Variants in CDC14A observed in about 807,000 individuals in gnomAD.
CDC14A encodes cell division cycle 14A.
In CDC14A, 53 loss-of-function variants were observed where a neutral mutation model predicts 74.4. The observed-to-expected ratio is 0.71, with a 90% CI of 0.57 to 0.89. The LOEUF is 0.89. Among genes scored for constraint, CDC14A ranks in the 40% least tolerant of loss-of-function variants. The pLI is 0.00. For missense variants in CDC14A, 646 were observed against 713.7 expected, an observed-to-expected ratio of 0.91 and a Z score of 1.08; for synonymous variants, 247 against 258.4, an observed-to-expected ratio of 0.96 and a Z score of 0.43.
At chr1:100,454,744 T>C (rs892811953) in intron 7 of CDC14A, among the ~76,000 whole-genome samples, 1 of 152,158 alleles carries the variant, frequency 6.6e-6, no homozygotes, top group Non-Finnish European at 1.5e-5. Context: ...AGTTGGAAGA[T>C]CAGCTGTGTT....
chr1:100,448,899 C>T (rs1342208778), intron 7 of CDC14A, among the ~76,000 whole-genome samples: 1 of 152,308 alleles, frequency 6.6e-6, no homozygotes, highest in East Asian at 1.9e-4. Context: ...AGCCTTTGCT[C>T]TTGTCACCTG....
chr1:100,418,189 T>C (rs1661773515), intron 4 of CDC14A, among the ~76,000 whole-genome samples: 1 of 152,208 alleles, frequency 6.6e-6, no homozygotes, highest in Non-Finnish European at 1.5e-5. Context: ...TGGTATATAC[T>C]GTTAACTTTT....
intron 1 of CDC14A, among the ~76,000 whole-genome samples, chr1:100,345,455 T>C (rs1347979709): frequency 6.6e-6 from 1 of 152,176 alleles, no homozygotes; most frequent in African/African-American, 2.4e-5. Flanking sequence ...TTAGAAATTA[T>C]TATAATTTCT....
chr1:100,510,058 T>C (rs1649598688), intron 15 of CDC14A, among the ~76,000 whole-genome samples: 1 of 147,652 alleles, frequency 6.8e-6, no homozygotes, highest in Non-Finnish European at 1.5e-5. Flanking sequence ...CTCGTTTCCA[T>C]GCTCTCCTGT....
chr1:100,384,538 A>G (rs1656581661), intron 3 of CDC14A, among the ~76,000 whole-genome samples: 1 of 152,124 alleles, frequency 6.6e-6, no homozygotes, highest in African/African-American at 2.4e-5. Flanking sequence ...GAGGTTAGAG[A>G]GTGGGTTTCT....
intron 2 of CDC14A, among the ~76,000 whole-genome samples, chr1:100,369,874 A>T (rs1409046446): frequency 6.6e-6 from 1 of 151,284 alleles, no homozygotes; most frequent in Non-Finnish European, 1.5e-5. Context: ...GCTGTGGCAT[A>T]ATCATGGCTA....
At chr1:100,355,995 AT>A (rs1651834382) in intron 2 of CDC14A, among the ~76,000 whole-genome samples, 1 of 152,200 alleles carries the variant, frequency 6.6e-6, no homozygotes, top group African/African-American at 2.4e-5. Flanking sequence ...ACAAGGTCTT[AT>A]CAGGCAGAGA....
upstream of CDC14A, chr1:100,352,408 G>T (rs1043497435): frequency 4.1e-6 from 4 of 964,216 alleles, no homozygotes; most frequent in African/African-American, 7.1e-5. Flanking sequence ...AAGTGGAGGG[G>T]GCTGAGGGAG....
chr1:100,429,217 A>ATAAATAAATAAATAAATAAT, intron 5 of CDC14A, among the ~76,000 whole-genome samples: 1 of 147,912 alleles, frequency 6.8e-6, no homozygotes, highest in Non-Finnish European at 1.5e-5. Context: ...AAATAAATAA[A>ATAAATAAATAAATAAATAAT]TAAATAAATA....
intron 4 of CDC14A, among the ~76,000 whole-genome samples, chr1:100,401,811 G>T (rs1659294495): frequency 6.6e-6 from 1 of 152,154 alleles, no homozygotes; most frequent in East Asian, 1.9e-4. Context: ...GGCCAAGGTG[G>T]GCGGATCACC....
At chr1:100,424,688 C>A (rs189395967) in intron 5 of CDC14A, among the ~76,000 whole-genome samples, 1 of 152,008 alleles carries the variant, frequency 6.6e-6, no homozygotes, top group East Asian at 1.9e-4. Context: ...TGTCAGAGGC[C>A]GGGGATATAG....
chr1:100,421,417 A>G (rs1238723053), intron 4 of CDC14A, among the ~76,000 whole-genome samples: 1 of 152,222 alleles, frequency 6.6e-6, no homozygotes, highest in Non-Finnish European at 1.5e-5. Context: ...CACATTTGAC[A>G]TTGCATAACT....
intron 8 of CDC14A, among the ~76,000 whole-genome samples, chr1:100,461,804 A>G (rs1007832162): frequency 7.8e-4 from 119 of 152,186 alleles, no homozygotes; most frequent in African/African-American, 2.8e-3. Context: ...ATTTTTAACT[A>G]AAAAAATTTA....
chr1:100,393,200 G>A (rs1262907189), intron 4 of CDC14A: 2 of 1,594,048 alleles, frequency 1.3e-6, no homozygotes, highest in African/African-American at 2.7e-5. Flanking sequence ...TGAGTTGCAT[G>A]TTCTTTCTCT....
At chr1:100,420,163 T>TAAAAAC (rs1490975877) in intron 4 of CDC14A, among the ~76,000 whole-genome samples, 3 of 98,732 alleles carry the variant, frequency 3.0e-5, no homozygotes, top group Non-Finnish European at 6.1e-5. Context: ...AAATAGCACC[T>TAAAAAC]AAAAACAAAG....
At chr1:100,364,212 T>A (rs193108962) in intron 2 of CDC14A, among the ~76,000 whole-genome samples, 1,835 of 152,016 alleles carry the variant, frequency 0.012, 32 homozygotes, top group African/African-American at 0.041. Context: ...TTTTTTTTTT[T>A]AATTTTTTAT....
At chr1:100,385,300 C>T (rs1656683884) in intron 3 of CDC14A, among the ~76,000 whole-genome samples, 1 of 152,142 alleles carries the variant, frequency 6.6e-6, no homozygotes, top group South Asian at 2.1e-4. Flanking sequence ...CCAACAGTGT[C>T]AGCATTACTG....
In CDC14A at chr1:100,392,906, A is replaced by G. The variant is rs563456769; in HGVS notation, c.309+2082A>G. ...AAATAGAATTACCGCAGCAGCCCAC[A>G]CATTCTATGATTTCTAAACATTTAA... On this transcript the variant is annotated intron_variant, in intron 4 of 15. Transcript: ENST00000336454. The G allele has an allele frequency of 7.0e-5, 43 of 615,896 alleles. 1 individual carries two copies. Among genetic ancestry groups the G allele is most frequent in the Non-Finnish European group, 1.1e-5 (4 of 356,910 alleles). 38.2% of individuals were successfully genotyped at this position (615,896 alleles called of 1,614,324 possible).
At chr1:100,378,432 G>C (rs999931768) in intron 3 of CDC14A, among the ~76,000 whole-genome samples, 13 of 152,094 alleles carry the variant, frequency 8.5e-5, no homozygotes, top group African/African-American at 3.1e-4. Context: ...TATTGCTCAG[G>C]TATTTTGCTC....
Sources: gnomAD v4.1 joint callset for allele counts (sites outside exome capture counted in the v4.1 genomes callset) on GRCh38, gnomAD v4.1.1 for gene constraint, MANE v1.5 for transcripts, NCBI Gene and HGNC (gene_info 2026-07-23, HGNC 2026-07-21) for gene names.